DLC1: variants seen among roughly 807,000 people sequenced by gnomAD.
The protein encoded by DLC1 is DLC1 Rho GTPase activating protein.
A neutral mutation model predicts 140.3 loss-of-function variants in DLC1; 54 were observed. That is an observed-to-expected ratio of 0.38 (90% CI 0.31 to 0.48). The LOEUF is 0.48. DLC1 is among the 20% of genes least tolerant of loss of function. DLC1 has a pLI of 0.96. For missense variants in DLC1, 2,536 were observed against 1,907.0 expected (o/e 1.33, Z -6.14); for synonymous variants, 986 against 728.1 (o/e 1.35, Z -5.70).
At chr8:13,512,997 A>T (rs1282865892) in intron 1 of DLC1, among the ~76,000 whole-genome samples, 4 of 144,944 alleles carry the variant, frequency 2.8e-5, no homozygotes, top group African/African-American at 7.7e-5. Context: ...AATTAGAGGA[A>T]CTGCAAATTT....
intron 2 of DLC1, among the ~76,000 whole-genome samples, chr8:13,446,235 C>G (rs1018155866): frequency 2.6e-5 from 4 of 152,124 alleles, no homozygotes; most frequent in African/African-American, 9.6e-5. Flanking sequence ...GGCAACATCC[C>G]TTGGGGATGG....
At chr8:13,575,309 G>A (rs555978429) in intron 1 of DLC1, among the ~76,000 whole-genome samples, 1 of 152,138 alleles carries the variant, frequency 6.6e-6, no homozygotes, top group African/African-American at 2.4e-5. Context: ...CACTGAGAGA[G>A]TATGAAGGTT....
chr8:13,471,662 C>T (rs569244979), intron 2 of DLC1, among the ~76,000 whole-genome samples: 40 of 151,672 alleles, frequency 2.6e-4, no homozygotes, highest in African/African-American at 8.2e-4. Flanking sequence ...AACAAACCCA[C>T]GCTTGTACCC....
intron 1 of DLC1, among the ~76,000 whole-genome samples, chr8:13,573,076 C>A (rs772303098): frequency 5.9e-5 from 9 of 152,110 alleles, no homozygotes; most frequent in Non-Finnish European, 1.0e-4. Flanking sequence ...ATTGTCATCA[C>A]AACAATATTG....
chr8:13,517,180 A>C (rs1448195024), upstream of DLC1, among the ~76,000 whole-genome samples: 2 of 152,152 alleles, frequency 1.3e-5, no homozygotes, highest in Non-Finnish European at 2.9e-5. Flanking sequence ...ATAACTTGAT[A>C]TCTCTATCTC....
At chr8:13,321,202 G>C (rs1445013227) in intron 4 of DLC1, among the ~76,000 whole-genome samples, 1 of 152,144 alleles carries the variant, frequency 6.6e-6, no homozygotes, top group Admixed American at 6.5e-5. Context: ...GTGCTAAACA[G>C]GGAAGTAGTC....
At chr8:13,392,486 T>A (rs543677864) in intron 4 of DLC1, among the ~76,000 whole-genome samples, 1 of 152,314 alleles carries the variant, frequency 6.6e-6, no homozygotes, top group African/African-American at 2.4e-5. Flanking sequence ...TCTGTCATGT[T>A]TTAAAATCAG....
intron 1 of DLC1, among the ~76,000 whole-genome samples, chr8:13,555,641 G>A (rs957933636): frequency 4.6e-5 from 7 of 151,424 alleles, no homozygotes; most frequent in African/African-American, 1.5e-4. Context: ...ACAGGTGCCC[G>A]CCACCATGCC....
At chr8:13,341,726 T>A (rs1834064064) in intron 4 of DLC1, 1 of 152,212 alleles carries the variant, frequency 6.6e-6, no homozygotes, top group Non-Finnish European at 1.5e-5. Flanking sequence ...ATGCAGCTAC[T>A]GAGATGCAAG....
intron 5 of DLC1, among the ~76,000 whole-genome samples, chr8:13,211,941 T>C (rs181396053): frequency 2.6e-5 from 4 of 152,254 alleles, no homozygotes; most frequent in African/African-American, 7.2e-5. Flanking sequence ...ACAACTCCTA[T>C]GTCAAATGTT....
chr8:13,175,550 T>G (rs1825713951), intron 5 of DLC1, among the ~76,000 whole-genome samples: 1 of 152,072 alleles, frequency 6.6e-6, no homozygotes, highest in Admixed American at 6.6e-5. Context: ...AACACATATT[T>G]TAAAATTCAA....
chr8:13,535,128 G>T (rs534689788), intron 1 of DLC1, among the ~76,000 whole-genome samples: 4 of 152,030 alleles, frequency 2.6e-5, no homozygotes, highest in Non-Finnish European at 4.4e-5. Flanking sequence ...TATCTTTATT[G>T]TATTAAATTA....
rs1820487859 is a variant in DLC1, at chr8:13,115,638, A to G, written c.1368T>C (p.Ala456=). The change falls in exon 6 of 18, where the codon GCT becomes GCC. Residue 456 remains alanine (A), a synonymous_variant. Transcript: ENST00000276297. ...KEKAEIEAKE[A]CDWLRATGFP... ...AACCAGTTGCCCGTAGCCAATCACA[A>G]GCTTCCTTGGCTTCAATTTCTAGAA... The G allele has an allele frequency of 6.2e-7, 1 of 1,613,980 alleles. No homozygotes were observed. The highest frequency in any genetic ancestry group is 8.5e-7 in the Non-Finnish European group (1 of 1,180,004).
chr8:13,155,558 A>C (rs902398289), intron 5 of DLC1, among the ~76,000 whole-genome samples: 8 of 152,128 alleles, frequency 5.3e-5, no homozygotes, highest in African/African-American at 1.9e-4. Flanking sequence ...ATTGAGATAC[A>C]TGCTTTTAGT....
chr8:13,308,778 C>A (rs1832557223), intron 4 of DLC1, among the ~76,000 whole-genome samples: 1 of 152,112 alleles, frequency 6.6e-6, no homozygotes, highest in African/African-American at 2.4e-5. Flanking sequence ...ATCATTAGAA[C>A]TATCCAAGTA....
intron 5 of DLC1, among the ~76,000 whole-genome samples, chr8:13,285,383 A>G (rs1196927595): frequency 6.6e-6 from 1 of 152,152 alleles, no homozygotes; most frequent in Non-Finnish European, 1.5e-5. Context: ...CACACCTAAA[A>G]CAAACATTAA....
At chr8:13,335,448 C>A (rs1833778472) in intron 4 of DLC1, among the ~76,000 whole-genome samples, 1 of 152,084 alleles carries the variant, frequency 6.6e-6, no homozygotes, top group African/African-American at 2.4e-5. Context: ...TCAATGTGAG[C>A]ACACAAAAAG....
chr8:13,297,797 C>T (rs1030116632), intron 5 of DLC1, among the ~76,000 whole-genome samples: 2 of 152,166 alleles, frequency 1.3e-5, no homozygotes, highest in African/African-American at 2.4e-5. Flanking sequence ...GGATATATCA[C>T]ATTAATCATT....
At chr8:13,287,663 C>A (rs1217412313) in intron 5 of DLC1, among the ~76,000 whole-genome samples, 6 of 152,124 alleles carry the variant, frequency 3.9e-5, no homozygotes, top group Admixed American at 2.6e-4. Context: ...GTAAAATAAA[C>A]CTCCCAAGGG....
Sources: gnomAD v4.1 joint callset for allele counts (sites outside exome capture counted in the v4.1 genomes callset) on GRCh38, gnomAD v4.1.1 for gene constraint, MANE v1.5 for transcripts, NCBI Gene and HGNC (gene_info 2026-07-23, HGNC 2026-07-21) for gene names.